The following TTLL11 variants were observed in gnomAD, a reference collection of about 807,000 sequenced individuals.
TTLL11 encodes the protein tubulin polyglutamylase TTLL11.
Under a neutral mutation model 51.7 loss-of-function variants are expected in TTLL11, and 42 were observed. The ratio of observed to expected loss-of-function variants is 0.81; its 90% CI spans 0.64 to 1.05. TTLL11 has a LOEUF of 1.05. TTLL11 is among the 50% of genes least tolerant of loss of function. The pLI is 0.00. For synonymous variants in TTLL11, 381 were observed against 383.5 expected (o/e 0.99, Z 0.08); for missense variants, 799 against 940.4 (o/e 0.85, Z 1.97).
intron 8 of TTLL11, among the ~76,000 whole-genome samples, chr9:121,836,995 C>T (rs1403377783): frequency 1.3e-5 from 2 of 152,168 alleles, no homozygotes; most frequent in Non-Finnish European, 2.9e-5. Flanking sequence ...ATATCTGTAT[C>T]CATATAATTT....
At chr9:122,034,324 AAT>A (rs1461416664) in intron 2 of TTLL11, among the ~76,000 whole-genome samples, 1 of 152,316 alleles carries the variant, frequency 6.6e-6, no homozygotes, top group East Asian at 1.9e-4. Flanking sequence ...TAATATCGGC[AAT>A]GGCTCCTTCT....
intron 6 of TTLL11, among the ~76,000 whole-genome samples, chr9:121,876,884 G>A (rs186974763): frequency 1.4e-4 from 22 of 152,254 alleles, no homozygotes; most frequent in South Asian, 6.2e-4. Context: ...CAAACCCTGC[G>A]GGTGATTCTG....
At chr9:122,051,558 A>G (rs901657674) in intron 1 of TTLL11, among the ~76,000 whole-genome samples, 3 of 151,916 alleles carry the variant, frequency 2.0e-5, no homozygotes, top group African/African-American at 7.3e-5. Flanking sequence ...AACCCAACAC[A>G]CCCACAGCTG....
chr9:121,904,713 T>C (rs1219024061), intron 6 of TTLL11, among the ~76,000 whole-genome samples: 1 of 152,240 alleles, frequency 6.6e-6, no homozygotes, highest in Non-Finnish European at 1.5e-5. Flanking sequence ...TTGTTCCTGG[T>C]CGGTACCTTG....
At chr9:121,873,291 G>A (rs1838423385) in intron 6 of TTLL11, among the ~76,000 whole-genome samples, 1 of 151,642 alleles carries the variant, frequency 6.6e-6, no homozygotes, top group Admixed American at 6.6e-5. Flanking sequence ...TGTTGCACCT[G>A]TATCATCTAG....
chr9:121,980,179 G>T (rs967586320), intron 4 of TTLL11, among the ~76,000 whole-genome samples: 1 of 150,402 alleles, frequency 6.6e-6, no homozygotes, highest in Non-Finnish European at 1.5e-5. Context: ...GGGCCAGGGG[G>T]GCCTTTCTTT....
At chr9:121,862,993 G>A (rs988481168) in intron 7 of TTLL11, among the ~76,000 whole-genome samples, 3 of 152,140 alleles carry the variant, frequency 2.0e-5, no homozygotes, top group Non-Finnish European at 4.4e-5. Context: ...GTGCCCAGAC[G>A]AGCCTGGTGC....
At chr9:122,077,941 C>T (rs1357057013) in intron 1 of TTLL11, among the ~76,000 whole-genome samples, 1 of 151,620 alleles carries the variant, frequency 6.6e-6, no homozygotes, top group Non-Finnish European at 1.5e-5. Context: ...GTAGAAATAA[C>T]CTTATTTGCT....
At chr9:122,035,944 G>A (rs1312296018) in intron 2 of TTLL11, among the ~76,000 whole-genome samples, 1 of 152,058 alleles carries the variant, frequency 6.6e-6, no homozygotes, top group Non-Finnish European at 1.5e-5. Context: ...TTCGATGAAC[G>A]AGTAATATGC....
chr9:121,889,348 A>G (rs907583417), intron 6 of TTLL11, among the ~76,000 whole-genome samples: 2 of 152,150 alleles, frequency 1.3e-5, no homozygotes, highest in Admixed American at 6.5e-5. Flanking sequence ...AATTACTTGG[A>G]ATACTTTTTT....
intron 8 of TTLL11, among the ~76,000 whole-genome samples, chr9:121,825,088 G>C (rs780503680): frequency 6.6e-6 from 1 of 152,180 alleles, no homozygotes; most frequent in East Asian, 1.9e-4. Context: ...TGTAAACAGC[G>C]GCCTGGGATG....
chr9:122,079,927 C>T (rs963168827), intron 1 of TTLL11, among the ~76,000 whole-genome samples: 4 of 151,786 alleles, frequency 2.6e-5, no homozygotes, highest in Non-Finnish European at 4.4e-5. Context: ...TAGGCGTTCA[C>T]GACTAGCCCG....
chr9:122,019,487 T>C (rs1844100478), intron 3 of TTLL11, among the ~76,000 whole-genome samples: 1 of 152,220 alleles, frequency 6.6e-6, no homozygotes, highest in Non-Finnish European at 1.5e-5. Flanking sequence ...TTCACTCTGT[T>C]TGCCCAGACT....
intron 3 of TTLL11, among the ~76,000 whole-genome samples, chr9:122,007,006 A>C (rs1023044860): frequency 6.0e-5 from 9 of 149,864 alleles, no homozygotes; most frequent in Non-Finnish European, 1.3e-4. Flanking sequence ...AAAAAAAAAA[A>C]AAACTTTTCC....
chr9:121,858,672 G>C (rs903250944), intron 8 of TTLL11, among the ~76,000 whole-genome samples: 1 of 152,204 alleles, frequency 6.6e-6, no homozygotes, highest in Non-Finnish European at 1.5e-5. Flanking sequence ...ACTGCCCCCA[G>C]GATTCTCCCC....
chr9:121,895,331 G>A (rs1839421291), intron 6 of TTLL11, among the ~76,000 whole-genome samples: 1 of 147,264 alleles, frequency 6.8e-6, no homozygotes, highest in Non-Finnish European at 1.5e-5. Context: ...TGTGCACAGA[G>A]TTGTGTTTGT....
chr9:121,826,513 A>ATATATACATGTGTGTG (rs1564260406), intron 8 of TTLL11, among the ~76,000 whole-genome samples: 9 of 89,134 alleles, frequency 1.0e-4, no homozygotes, highest in African/African-American at 4.6e-4. Context: ...ATATATATAT[A>ATATATACATGTGTGTG]TGTATATATA....
At chr9:122,072,426 T>C (rs1013689736) in intron 1 of TTLL11, among the ~76,000 whole-genome samples, 6 of 152,058 alleles carry the variant, frequency 3.9e-5, no homozygotes, top group Admixed American at 1.3e-4. Flanking sequence ...GGTGGATCAC[T>C]TGAGCTCAGG....
rs1424864629 is a variant in TTLL11, at chr9:121,934,264, A to AAATAAATCAATCAATC, written c.1481+39744_1481+39745insGATTGATTGATTTATT. Among the ~76,000 whole-genome samples, 219 of 151,872 alleles carry AAATAAATCAATCAATC rather than the reference A, an allele frequency of 1.4e-3. 2 individuals are homozygous for AAATAAATCAATCAATC. Among genetic ancestry groups the AAATAAATCAATCAATC allele is most frequent in the African/African-American group, 5.2e-3 (213 of 41,296 alleles). ...TAAATAAATAAATAAATAAATAAATAAATCCATTCGTCCATCTTGCGCTTT... is the reference window on the plus strand; with the variant it reads ...TAAATAAATAAATAAATAAATAAATAAATAAATCAATCAATCAATCCATTCGTCCATCTTGCGCTTT... On this transcript the variant is annotated intron_variant, in intron 6 of 8. Transcript: ENST00000321582.
Sources: gnomAD v4.1 joint callset for allele counts (sites outside exome capture counted in the v4.1 genomes callset) on GRCh38, gnomAD v4.1.1 for gene constraint, MANE v1.5 for transcripts, NCBI Gene and HGNC (gene_info 2026-07-23, HGNC 2026-07-21) for gene names.